The following GRIN2B variants were observed in gnomAD, a reference collection of about 807,000 sequenced individuals.
GRIN2B encodes glutamate receptor ionotropic, NMDA 2B.
Under a neutral mutation model 114.5 loss-of-function variants are expected in GRIN2B, and 5 were observed. The ratio of observed to expected loss-of-function variants is 0.04; its 90% CI spans 0.02 to 0.09. GRIN2B has a LOEUF of 0.09. GRIN2B is among the 10% of genes least tolerant of loss of function. GRIN2B has a pLI of 1.00. For missense variants in GRIN2B, 1,108 were observed against 1,943.5 expected, an observed-to-expected ratio of 0.57 and a Z score of 8.08; for synonymous variants, 787 against 745.1, an observed-to-expected ratio of 1.06 and a Z score of -0.92.
rs191149250 is a variant in GRIN2B, at chr12:13,767,430, T to G, written c.412-13515A>C. Among the ~76,000 whole-genome samples, 83 of 152,322 alleles carry G rather than the reference T, an allele frequency of 5.4e-4. No homozygotes were observed. In the East Asian group the frequency reaches 0.013, roughly 23 times the overall value. On this transcript the variant is annotated intron_variant, in intron 3 of 13. Transcript: ENST00000609686. ...AGAAATGTAATTTTTTTTCTAATTT[T>G]CTTACTGATGAATCAAGAGTATATT...
At position 13,666,595 on chromosome 12, in the gene GRIN2B, G is replaced by C. The variant is rs562111788; in HGVS notation, c.1125+9150C>G. On this transcript the variant is annotated intron_variant, in intron 5 of 13. Transcript: ENST00000609686. ...AAATTTTATTTTTTTGTTGTTGTTG[G>C]CTATTACTTCCTTTAAAATGTTTGT... 2.2e-4 allele frequency among the ~76,000 whole-genome samples: 34 copies of C among 152,090 alleles called. No individual in the cohort carries two copies. In the South Asian group the frequency reaches 3.1e-3, roughly 14 times the overall value.
chr12:13,942,718 T>C (rs1054674435), intron 2 of GRIN2B, among the ~76,000 whole-genome samples: 7 of 152,194 alleles, frequency 4.6e-5, no homozygotes, highest in Admixed American at 2.0e-4. Flanking sequence ...TAAATTAAAA[T>C]AATTCAAATT....
Position 13,932,084 on chromosome 12 carries a change from G to A in GRIN2B, c.-19+47844C>T, listed in dbSNP as rs145643791. Among the ~76,000 whole-genome samples, 704 of 152,170 alleles carry A rather than the reference G, an allele frequency of 4.6e-3. 2 individuals are homozygous for A. Among genetic ancestry groups the A allele is most frequent in the Middle Eastern group, 0.024 (7 of 294 alleles). On this transcript the variant is annotated intron_variant, in intron 2 of 13. Transcript: ENST00000609686. ...CAAACCTCTTGCTGTAGCCTGAAAG[G>A]CCCTCATGATTCAGTTCCTATCTAT...
intron 4 of GRIN2B, among the ~76,000 whole-genome samples, chr12:13,692,078 G>C (rs1017977970): frequency 1.3e-5 from 2 of 152,164 alleles, no homozygotes; most frequent in African/African-American, 4.8e-5. Context: ...TTGAAGCCAA[G>C]AGAAAAATCA....
chr12:13,581,488 G>T (rs371023545), intron 10 of GRIN2B, among the ~76,000 whole-genome samples: 4,313 of 124,908 alleles, frequency 0.035, 185 homozygotes, highest in African/African-American at 0.1. Flanking sequence ...CGGGCCCAGT[G>T]GGAGAAGAAG....
Position 13,615,737 on chromosome 12 carries a change from T to C in GRIN2B, c.1329-73A>G. ...CAAAAAGCCAACATTTATTACCCTT[T>C]GCCATTAAAAAACCTCCAATCCCAA... On this transcript the variant is annotated intron_variant, in intron 6 of 13. Coordinates refer to ENST00000609686, the MANE Select transcript of GRIN2B (RefSeq NM_000834.5). The surrounding 1 kb of genome is among the most constrained non-coding windows in gnomAD (Gnocchi z 5.8). 7.4e-7 allele frequency: 1 copy of C among 1,352,712 alleles called. No individual in the cohort carries two copies. The highest frequency in any genetic ancestry group is 1.2e-5 in the South Asian group (1 of 85,716). 83.8% of individuals were successfully genotyped at this position (1,352,712 alleles called of 1,614,324 possible). A position where few individuals can be genotyped will look rare whatever the true frequency, so the allele number is the denominator to read the frequency against.
chr12:13,671,288 CT>C (rs1950019869), intron 5 of GRIN2B, among the ~76,000 whole-genome samples: 1 of 152,074 alleles, frequency 6.6e-6, no homozygotes, highest in East Asian at 1.9e-4. Context: ...TTACAACAGC[CT>C]TATGTAAAAC....
intron 5 of GRIN2B, among the ~76,000 whole-genome samples, chr12:13,652,051 C>G (rs1555116668): frequency 1.3e-5 from 2 of 152,014 alleles, no homozygotes; most frequent in Admixed American, 6.6e-5. Flanking sequence ...GGAACTTATA[C>G]CCATCCATAA....
intron 2 of GRIN2B, among the ~76,000 whole-genome samples, chr12:13,912,097 G>C (rs1239570366): frequency 6.6e-6 from 1 of 152,032 alleles, no homozygotes; most frequent in Non-Finnish European, 1.5e-5. Flanking sequence ...ACCCTGAAAG[G>C]GCACTCTGCT....
chr12:13,605,551 T>TCTCTCTCACACACACA, intron 10 of GRIN2B, among the ~76,000 whole-genome samples: 15 of 30,428 alleles, frequency 4.9e-4, no homozygotes, highest in South Asian at 1.3e-3. Context: ...TCTCTCTCTC[T>TCTCTCTCACACACACA]GACACACACA....
Position 13,581,506 on chromosome 12 carries a change from G to C in GRIN2B, c.2011-9542C>G, listed in dbSNP as rs545910024. 3.9e-5 allele frequency among the ~76,000 whole-genome samples: 6 copies of C among 152,332 alleles called. No individual in the cohort carries two copies. In the South Asian group the frequency reaches 1.2e-3, roughly 32 times the overall value. On this transcript the variant is annotated intron_variant, in intron 10 of 13. Transcript: ENST00000609686. The stretch of plus-strand genomic sequence containing the variant: ...GCCCAGTGGGAGAAGAAGAAGGTCA[G>C]GTGACCACACAAGGAGTAGACTTTC...
At chr12:13,590,383 T>G (rs543115878) in intron 10 of GRIN2B, among the ~76,000 whole-genome samples, 1 of 152,180 alleles carries the variant, frequency 6.6e-6, no homozygotes, top group South Asian at 2.1e-4. Flanking sequence ...ATGCTCTCCC[T>G]CCCCTAGCCC....
At chr12:13,639,928 T>C (rs933047787) in intron 5 of GRIN2B, among the ~76,000 whole-genome samples, 3 of 152,166 alleles carry the variant, frequency 2.0e-5, no homozygotes, top group Non-Finnish European at 4.4e-5. Context: ...TCTCTTCTTC[T>C]TTTTACACTT....
chr12:13,954,365 G>A (rs906310348), intron 2 of GRIN2B, among the ~76,000 whole-genome samples: 31 of 152,198 alleles, frequency 2.0e-4, no homozygotes, highest in Non-Finnish European at 3.7e-4. Flanking sequence ...ACCTGAGGTT[G>A]AAATGGGACA....
chr12:13,734,309 T>A (rs73051594), intron 4 of GRIN2B, among the ~76,000 whole-genome samples: 24,828 of 152,210 alleles, frequency 0.16, 2,581 homozygotes, highest in Non-Finnish European at 0.24. Context: ...CAAGAAAGGA[T>A]GACTTAACTT....
chr12:13,697,638 G>T (rs1223620205), intron 4 of GRIN2B, among the ~76,000 whole-genome samples: 1 of 152,050 alleles, frequency 6.6e-6, no homozygotes, highest in Non-Finnish European at 1.5e-5. Context: ...TTGCACTTAG[G>T]GACAATATCC....
intron 4 of GRIN2B, among the ~76,000 whole-genome samples, chr12:13,700,460 T>C (rs1308064339): frequency 1.3e-5 from 2 of 152,166 alleles, no homozygotes; most frequent in Non-Finnish European, 2.9e-5. Flanking sequence ...TCTTCCCCCA[T>C]ACCCCCACTA....
chr12:13,667,341 A>G (rs930393243), intron 5 of GRIN2B, among the ~76,000 whole-genome samples: 12 of 152,302 alleles, frequency 7.9e-5, no homozygotes, highest in Middle Eastern at 3.4e-3. Flanking sequence ...ACAGCCTTCC[A>G]CCAGACTGCA....
intron 4 of GRIN2B, among the ~76,000 whole-genome samples, chr12:13,745,597 C>T (rs929934875): frequency 3.9e-5 from 6 of 152,210 alleles, no homozygotes; most frequent in South Asian, 2.1e-4. Context: ...GAGGAGTGAC[C>T]GCTCTGAGAC....
Sources: allele counts gnomAD v4.1 joint callset (sites outside exome capture counted in the v4.1 genomes callset), GRCh38; gene constraint gnomAD v4.1.1; non-coding constraint Gnocchi (gnomAD v3.1); transcripts MANE v1.5; gene names NCBI Gene and HGNC (gene_info 2026-07-23, HGNC 2026-07-21).